NFYC: variants seen among roughly 807,000 people sequenced by gnomAD.
NFYC encodes the protein CAAT box DNA-binding protein subunit C.
In NFYC, 25 loss-of-function variants were observed where a neutral mutation model predicts 53.1. The observed-to-expected ratio is 0.47, with a 90% CI of 0.34 to 0.66. NFYC has a LOEUF of 0.66. Among genes scored for constraint, NFYC ranks in the 30% least tolerant of loss-of-function variants. The probability of loss-of-function intolerance (pLI) is 0.01; values close to 1 mark genes in which losing one functional copy is unlikely to be tolerated. For missense variants in NFYC, 260 were observed against 422.7 expected, an observed-to-expected ratio of 0.62 and a Z score of 3.38; for synonymous variants, 145 against 152.6, an observed-to-expected ratio of 0.95 and a Z score of 0.37.
chr1:40,717,471 C>T (rs1644179398), intron 1 of NFYC, among the ~76,000 whole-genome samples: 1 of 152,196 alleles, frequency 6.6e-6, no homozygotes, highest in African/African-American at 2.4e-5. Flanking sequence ...TAGCCTACAT[C>T]TTCCTCGCAG....
intron 2 of NFYC, among the ~76,000 whole-genome samples, chr1:40,743,770 T>TTA (rs1645469455): frequency 1.3e-5 from 2 of 152,228 alleles, no homozygotes; most frequent in African/African-American, 4.8e-5. Context: ...CAAACTTTAT[T>TTA]GTCTGTATGA....
intron 1 of NFYC, among the ~76,000 whole-genome samples, chr1:40,705,434 T>C (rs988460011): frequency 6.6e-6 from 1 of 152,226 alleles, no homozygotes; most frequent in Non-Finnish European, 1.5e-5. Context: ...CTATTCAGAA[T>C]CTGTAATCTA....
At chr1:40,722,084 T>C (rs995578883) in intron 1 of NFYC, among the ~76,000 whole-genome samples, 1 of 152,102 alleles carries the variant, frequency 6.6e-6, no homozygotes, top group African/African-American at 2.4e-5. Flanking sequence ...GGCAGGAGAA[T>C]GGTGTGGACC....
chr1:40,742,165 C>T (rs1358448247), intron 2 of NFYC, among the ~76,000 whole-genome samples: 1 of 150,926 alleles, frequency 6.6e-6, no homozygotes, highest in Non-Finnish European at 1.5e-5. Flanking sequence ...CTTGCCTTGG[C>T]CCTCCAAAGC....
intron 1 of NFYC, among the ~76,000 whole-genome samples, chr1:40,736,132 T>TA (rs1645012403): frequency 6.6e-6 from 1 of 152,216 alleles, no homozygotes; most frequent in South Asian, 2.1e-4. Flanking sequence ...TTCAGCTGTT[T>TA]ATAGGCCTCC....
intron 1 of NFYC, chr1:40,721,743 T>C (rs539984362): frequency 3.0e-4 from 46 of 152,320 alleles, no homozygotes; most frequent in Non-Finnish European, 2.8e-4. Flanking sequence ...TTTTCTTTTT[T>C]GTAGAGACGA....
At chr1:40,754,429 T>C in intron 5 of NFYC, 1 of 534,030 alleles carries the variant, frequency 1.9e-6, no homozygotes, top group Non-Finnish European at 3.8e-6. Flanking sequence ...GTCGGATGTT[T>C]ACAGCGGCAG....
chr1:40,726,221 G>A (rs141936644), intron 1 of NFYC, among the ~76,000 whole-genome samples: 3,092 of 151,982 alleles, frequency 0.02, 34 homozygotes, highest in Non-Finnish European at 0.031. Flanking sequence ...GGGCTCAAGC[G>A]ATTCTGCTGC....
chr1:40,741,161 A>G (rs766150026), intron 2 of NFYC, among the ~76,000 whole-genome samples: 3 of 152,160 alleles, frequency 2.0e-5, no homozygotes, highest in Non-Finnish European at 4.4e-5. Flanking sequence ...ACAGTCCCCT[A>G]CTTACAATGA....
intron 1 of NFYC, among the ~76,000 whole-genome samples, chr1:40,694,737 G>A (rs1017789224): frequency 1.3e-5 from 2 of 151,736 alleles, no homozygotes; most frequent in Non-Finnish European, 2.9e-5. Context: ...TATACCCATG[G>A]CCACCTTGTT....
chr1:40,694,087 A>G (rs1046947533), intron 1 of NFYC, among the ~76,000 whole-genome samples: 1 of 152,274 alleles, frequency 6.6e-6, no homozygotes, highest in Non-Finnish European at 1.5e-5. Flanking sequence ...GCTTCAGAAT[A>G]TTGCAGATAG....
intron 5 of NFYC, among the ~76,000 whole-genome samples, chr1:40,757,784 C>T (rs16827548): frequency 0.027 from 4,145 of 152,318 alleles, 76 homozygotes; most frequent in Middle Eastern, 0.048. Flanking sequence ...GTTCTCAGAT[C>T]ACAGGCCTTG....
chr1:40,753,351 T>C lies in NFYC; in HGVS notation c.387+105T>C, dbSNP rs542893445. The C allele has an allele frequency of 6.4e-5, 47 of 735,916 alleles. No individual in the cohort carries two copies. In the South Asian group the frequency reaches 7.6e-4, roughly 12 times the overall value. 45.6% of individuals were successfully genotyped at this position (735,916 alleles called of 1,614,324 possible). ...AGCACAAGTCATTTGCTATTCCTTT[T>C]GCTTCTCGTTTCTAGACCAGATTCA... is the stretch of plus-strand genomic sequence containing the variant. On this transcript the variant is annotated intron_variant, in intron 5 of 9. Transcript: ENST00000447388.
At chr1:40,721,054 A>G (rs1254904480) in intron 1 of NFYC, among the ~76,000 whole-genome samples, 2 of 152,150 alleles carry the variant, frequency 1.3e-5, no homozygotes, top group African/African-American at 4.8e-5. Context: ...AAAAAATAAT[A>G]TGCCCCCTAA....
At position 40,747,517 on chromosome 1, in the gene NFYC, CTTGT is replaced by C. The variant is rs776578803; in HGVS notation, c.106-15_106-12del. 1.3e-6 allele frequency: 2 copies of C among 1,597,396 alleles called. No individual in the cohort carries two copies. Among genetic ancestry groups the C allele is most frequent in the South Asian group, 2.2e-5 (2 of 90,554 alleles). On this transcript the variant is annotated splice_polypyrimidine_tract_variant and intron_variant, in intron 2 of 9. Coordinates refer to ENST00000447388, the MANE Select transcript of NFYC (RefSeq NM_014223.5). ...GATTGTCCCCACCATTTATGCATCTCTTGTTGTTCATTTCAGAAAGACTTCCGAG... is the reference window on the plus strand; with the variant it reads ...GATTGTCCCCACCATTTATGCATCTCTGTTCATTTCAGAAAGACTTCCGAG...
intron 1 of NFYC, among the ~76,000 whole-genome samples, chr1:40,701,952 T>C (rs78825408): frequency 9.2e-5 from 14 of 151,964 alleles, no homozygotes; most frequent in Non-Finnish European, 2.1e-4. Flanking sequence ...AAGATTGGGC[T>C]TTTTTTCTTG....
chr1:40,735,845 C>A, intron 1 of NFYC: 2 of 658,000 alleles, frequency 3.0e-6, no homozygotes, highest in Non-Finnish European at 3.8e-6. Context: ...GAGTCACTGT[C>A]TTCATTTTCA....
chr1:40,721,163 A>G (rs1644312961), intron 1 of NFYC, among the ~76,000 whole-genome samples: 1 of 152,232 alleles, frequency 6.6e-6, no homozygotes, highest in Non-Finnish European at 1.5e-5. Flanking sequence ...GGGAGAAAAA[A>G]AATTTATCAT....
chr1:40,756,969 C>T lies in NFYC; in HGVS notation c.388-1152C>T, dbSNP rs1646259991. Among the ~76,000 whole-genome samples the T allele has an allele frequency of 3.9e-5, 6 of 152,204 alleles. No individual in the cohort carries two copies. The South Asian group carries it at 1.2e-3, about 32-fold the overall frequency. On this transcript the variant is annotated intron_variant, in intron 5 of 9. Coordinates refer to ENST00000447388, the MANE Select transcript of NFYC (RefSeq NM_014223.5). ...TACTTTGGAAGCACAGTTGAGGGCA[C>T]CTAACATAGTGTGGGGATGGGGTCA...
Sources: allele counts gnomAD v4.1 joint callset (sites outside exome capture counted in the v4.1 genomes callset), GRCh38; gene constraint gnomAD v4.1.1; transcripts MANE v1.5; gene names NCBI Gene and HGNC (gene_info 2026-07-23, HGNC 2026-07-21).